Variants in GJC1 observed in about 807,000 individuals in gnomAD.
GJC1 encodes the protein gap junction gamma-1 protein.
Under a neutral mutation model 29.3 loss-of-function variants are expected in GJC1, and 5 were observed. That is an observed-to-expected ratio of 0.17 (90% CI 0.09 to 0.36). GJC1 has a LOEUF of 0.36. Ranked by LOEUF, GJC1 falls within the 10% of genes least tolerant of loss-of-function variation. The pLI, the probability that GJC1 is intolerant of heterozygous loss-of-function variation, is 1.00. For synonymous variants in GJC1, 177 were observed against 183.3 expected (o/e 0.97, Z 0.28); for missense variants, 310 against 496.2 (o/e 0.62, Z 3.56).
chr17:44,809,775 G>A (rs1246006113), intron 1 of GJC1, among the ~76,000 whole-genome samples: 2 of 151,824 alleles, frequency 1.3e-5, no homozygotes, highest in African/African-American at 4.8e-5. Context: ...TCTCCATGTT[G>A]AGGCTGGTCT....
intron 1 of GJC1, among the ~76,000 whole-genome samples, chr17:44,820,823 G>A (rs1567713870): frequency 6.6e-6 from 1 of 152,172 alleles, no homozygotes; most frequent in African/African-American, 2.4e-5. Context: ...GTTTTAAGTG[G>A]AAGTTAATTC....
downstream of GJC1, chr17:44,794,528 T>C (rs559246912): frequency 6.6e-6 from 1 of 152,394 alleles, no homozygotes; most frequent in East Asian, 1.9e-4. Flanking sequence ...AGCTGCAACG[T>C]GCTTTCAGAA....
In GJC1 at chr17:44,800,801, G is replaced by A. The variant is rs1462081384; in HGVS notation, c.*3826C>T. The A allele has an allele frequency of 6.6e-6, 1 of 151,874 alleles. No homozygotes were observed. Among genetic ancestry groups the A allele is most frequent in the African/African-American group, 2.4e-5 (1 of 41,336 alleles). The allele number at this position is 151,874 out of a possible 1,614,324, so 9.4% of individuals were successfully genotyped here. ...GGTCCTTGAAGGTCTTTTACCAGAG[G>A]CCTTTTCTAATCACTTCGTAACACT... On this transcript the variant is annotated 3_prime_UTR_variant, in exon 3 of 3. Coordinates refer to ENST00000592524, the MANE Select transcript of GJC1 (RefSeq NM_005497.4).
chr17:44,797,304 C>T (rs2049789980), downstream of GJC1, among the ~76,000 whole-genome samples: 1 of 152,134 alleles, frequency 6.6e-6, no homozygotes, highest in African/African-American at 2.4e-5. Flanking sequence ...GATGGGGTTT[C>T]ACCATGTTAG....
intron 1 of GJC1, among the ~76,000 whole-genome samples, chr17:44,821,166 A>C (rs543396063): frequency 2.6e-5 from 4 of 152,206 alleles, no homozygotes; most frequent in Non-Finnish European, 5.9e-5. Flanking sequence ...CAGCTGGAGA[A>C]GTATGAGGAA....
Position 44,804,714 on chromosome 17 carries a change from C to T in GJC1, c.1104G>A (p.Lys368=). The change falls in exon 3 of 3, where the codon AAG becomes AAA. Residue 368 remains lysine, a synonymous_variant. Coordinates refer to ENST00000592524, the MANE Select transcript of GJC1 (RefSeq NM_005497.4). ...CAGCTTTGGACCCCACTTTGGCCTT[C>T]TTCTCCCGGGGACCATGAGGGTTGT... The part of the protein sequence containing the change: ...HQNNPHGPRE[K]KAKVGSKAGS... 6.2e-7 allele frequency: 1 copy of T among 1,614,230 alleles called. No homozygotes were observed. Among genetic ancestry groups the T allele is most frequent in the Non-Finnish European group, 8.5e-7 (1 of 1,180,034 alleles).
At chr17:44,810,626 A>C (rs2049968418) in intron 1 of GJC1, among the ~76,000 whole-genome samples, 2 of 152,134 alleles carry the variant, frequency 1.3e-5, no homozygotes, top group African/African-American at 2.4e-5. Flanking sequence ...AAGATCCACA[A>C]CAACCAGGGG....
chr17:44,826,168 C>G (rs188136805), intron 1 of GJC1, among the ~76,000 whole-genome samples: 34 of 152,148 alleles, frequency 2.2e-4, no homozygotes, highest in Admixed American at 5.2e-4. Flanking sequence ...GTGATCCACC[C>G]GCCTTGGCCT....
At chr17:44,809,524 GAACT>G (rs1438953074) in intron 1 of GJC1, among the ~76,000 whole-genome samples, 1 of 150,936 alleles carries the variant, frequency 6.6e-6, no homozygotes, top group Non-Finnish European at 1.5e-5. Flanking sequence ...CAATTAGTTA[GAACT>G]AACTCATCTG....
At chr17:44,821,726 C>CAAAAA (rs1338508082) in intron 1 of GJC1, among the ~76,000 whole-genome samples, 5 of 75,478 alleles carry the variant, frequency 6.6e-5, no homozygotes, top group African/African-American at 2.6e-4. Flanking sequence ...AAAAAAAAAA[C>CAAAAA]AACAAAAAAA....
intron 2 of GJC1, among the ~76,000 whole-genome samples, chr17:44,806,116 T>C (rs915078292): frequency 6.6e-6 from 1 of 152,016 alleles, no homozygotes; most frequent in African/African-American, 2.4e-5. Flanking sequence ...TCTACAAAAA[T>C]ACAAAAATTA....
chr17:44,805,262 C>T lies in GJC1; in HGVS notation c.556G>A (p.Val186Met), dbSNP rs758528610. The T allele has an allele frequency of 9.3e-6, 15 of 1,614,076 alleles. No homozygotes were observed. Among genetic ancestry groups the T allele is most frequent in the Middle Eastern group, 1.6e-4 (1 of 6,084 alleles). ...CCTATCAGAAAACCCACCTCAAACA[C>T]GGTCCTTGCCAGCAACTGCAGCACA... The part of the protein sequence containing the change: ...IYVLQLLART[V>M]FEVGFLIGQY... Residue 186 changes from valine (V) to methionine (M), a missense_variant, in exon 3 of 3, where the codon GTG becomes ATG. Coordinates refer to ENST00000592524, the MANE Select transcript of GJC1 (RefSeq NM_005497.4). The surrounding 1 kb of genome is among the most constrained non-coding windows in gnomAD (Gnocchi z 5.1).
Position 44,805,859 on chromosome 17 carries a change from C to T in GJC1, c.-20-22G>A, listed in dbSNP as rs1482329508. On this transcript the variant is annotated intron_variant, in intron 2 of 2. Coordinates refer to ENST00000592524, the MANE Select transcript of GJC1 (RefSeq NM_005497.4). This position sits in a 1 kb window ranked among gnomAD's most constrained non-coding sequence, Gnocchi z 5.1. ...TGCCCTGATAAAAGTGGAAAAATAC[C>T]AAAATAAAATCAACAAATATTAAAT... 1.8e-6 allele frequency: 2 copies of T among 1,085,848 alleles called. No homozygotes were observed. The highest frequency in any genetic ancestry group is 3.1e-5 in the South Asian group (2 of 65,120). The allele number at this position is 1,085,848 out of a possible 1,614,324, so 67.3% of individuals were successfully genotyped here. A position where few individuals can be genotyped will look rare whatever the true frequency, so the allele number is the denominator to read the frequency against.
chr17:44,830,891 C>T, upstream of GJC1: 1 of 391,168 alleles, frequency 2.6e-6, no homozygotes, highest in East Asian at 3.6e-5. The surrounding 1 kb of genome is among the most constrained non-coding windows in gnomAD (Gnocchi z 4.3). Flanking sequence ...TCTTTGCATC[C>T]CAGCAGGATC....
At chr17:44,828,901 T>C (rs1165776362) in intron 1 of GJC1, among the ~76,000 whole-genome samples, 2 of 152,052 alleles carry the variant, frequency 1.3e-5, no homozygotes, top group Admixed American at 6.6e-5. Flanking sequence ...TCTACAGATA[T>C]TAAAGTACTG....
In GJC1 at chr17:44,801,886, T is replaced by G. The variant is rs2049851720; in HGVS notation, c.*2741A>C. ...TCCTAAAGTGCTGGGATTACAGGTGTGAGCCACCGCGCCTGGCCCATTTTC... is the reference window on the plus strand; with the variant it reads ...TCCTAAAGTGCTGGGATTACAGGTGGGAGCCACCGCGCCTGGCCCATTTTC... On this transcript the variant is annotated 3_prime_UTR_variant, in exon 3 of 3. Coordinates refer to ENST00000592524, the MANE Select transcript of GJC1 (RefSeq NM_005497.4). 6.6e-6 allele frequency: 1 copy of G among 152,220 alleles called. No homozygotes were observed. The highest frequency in any genetic ancestry group is 2.4e-5 in the African/African-American group (1 of 41,448). 9.4% of individuals were successfully genotyped at this position (152,220 alleles called of 1,614,324 possible). A position where few individuals can be genotyped will look rare whatever the true frequency, so the allele number is the denominator to read the frequency against.
At chr17:44,816,597 G>T (rs2050046362) in intron 1 of GJC1, among the ~76,000 whole-genome samples, 2 of 152,130 alleles carry the variant, frequency 1.3e-5, no homozygotes, top group African/African-American at 4.8e-5. Flanking sequence ...TGCCTCCGGG[G>T]TTCAAGCAAT....
Position 44,800,308 on chromosome 17 carries a change from C to G in GJC1, c.*4319G>C, listed in dbSNP as rs1029794413. 6.6e-6 allele frequency: 1 copy of G among 152,122 alleles called. No individual in the cohort carries two copies. Among genetic ancestry groups the G allele is most frequent in the Non-Finnish European group, 1.5e-5 (1 of 68,036 alleles). 9.4% of individuals were successfully genotyped at this position (152,122 alleles called of 1,614,324 possible). Reference sequence around the variant, plus strand: ...TATTTTTAGTAGAGACGGGGTTTCACCATGTTGGCCAGGCTGGTCTCAAAC... The same window carrying G: ...TATTTTTAGTAGAGACGGGGTTTCAGCATGTTGGCCAGGCTGGTCTCAAAC... On this transcript the variant is annotated 3_prime_UTR_variant, in exon 3 of 3. Coordinates refer to ENST00000592524, the MANE Select transcript of GJC1 (RefSeq NM_005497.4).
chr17:44,829,035 T>C (rs938354860), intron 1 of GJC1, among the ~76,000 whole-genome samples: 5 of 151,120 alleles, frequency 3.3e-5, no homozygotes, highest in African/African-American at 4.9e-5. Flanking sequence ...ATAACAAATT[T>C]AGACTTATCA....
Sources: allele counts gnomAD v4.1 joint callset (sites outside exome capture counted in the v4.1 genomes callset), GRCh38; gene constraint gnomAD v4.1.1; non-coding constraint Gnocchi (gnomAD v3.1); transcripts MANE v1.5; gene names NCBI Gene and HGNC (gene_info 2026-07-23, HGNC 2026-07-21).